Variants in RBFOX3 observed in about 807,000 individuals in gnomAD.
RBFOX3 encodes RNA binding fox-1 homolog 3.
Under a neutral mutation model 48.7 loss-of-function variants are expected in RBFOX3, and 17 were observed. The observed-to-expected ratio is 0.35, with a 90% CI of 0.24 to 0.52. The LOEUF is 0.52. Among genes scored for constraint, RBFOX3 ranks in the 20% least tolerant of loss-of-function variants. RBFOX3 has a pLI of 0.94. For missense variants in RBFOX3, 382 were observed against 497.5 expected, an observed-to-expected ratio of 0.77 and a Z score of 2.21; for synonymous variants, 212 against 209.5, an observed-to-expected ratio of 1.01 and a Z score of -0.10.
intron 4 of RBFOX3, among the ~76,000 whole-genome samples, chr17:79,139,928 C>T (rs748421019): frequency 2.0e-5 from 3 of 152,246 alleles, no homozygotes; most frequent in East Asian, 3.9e-4. Context: ...AAACTGACGC[C>T]GAGAGAAGCC....
At chr17:79,241,948 C>T (rs987556582) in intron 3 of RBFOX3, among the ~76,000 whole-genome samples, 39 of 152,226 alleles carry the variant, frequency 2.6e-4, no homozygotes, top group African/African-American at 9.4e-4. Flanking sequence ...GATATCATCC[C>T]TTAGGGAGTT....
chr17:79,312,230 G>A (rs2076949793), intron 2 of RBFOX3, among the ~76,000 whole-genome samples: 1 of 151,678 alleles, frequency 6.6e-6, no homozygotes, highest in South Asian at 2.1e-4. Context: ...ACAAAGAAGA[G>A]GGCTGGGAAG....
chr17:79,389,913 GAGA>G, intron 2 of RBFOX3, among the ~76,000 whole-genome samples: 1 of 152,370 alleles, frequency 6.6e-6, no homozygotes, highest in Non-Finnish European at 1.5e-5. Flanking sequence ...GGTTTCAGCT[GAGA>G]AGGAGGCCTT....
intron 4 of RBFOX3, among the ~76,000 whole-genome samples, chr17:79,117,315 C>T (rs963549359): frequency 2.0e-5 from 3 of 152,214 alleles, no homozygotes; most frequent in Admixed American, 1.3e-4. Context: ...GGCAGGAGTC[C>T]GCGTCCTTGC....
In RBFOX3 at chr17:79,299,717, C is replaced by A. The variant is rs138313389; in HGVS notation, c.-74+8007G>T. Reference sequence around the variant, plus strand: ...TTAAACTGAGTTAATTAGGGTGAGTCTTAATCCAAAGTGACTGTTCTCCTG... The same window carrying A: ...TTAAACTGAGTTAATTAGGGTGAGTATTAATCCAAAGTGACTGTTCTCCTG... On this transcript the variant is annotated intron_variant, in intron 3 of 14. Transcript: ENST00000693108. The surrounding 1 kb of genome is among the most constrained non-coding windows in gnomAD (Gnocchi z 4.5). Among the ~76,000 whole-genome samples, 267 of 152,262 alleles carry A rather than the reference C, an allele frequency of 1.8e-3. 2 individuals are homozygous for A. Among genetic ancestry groups the A allele is most frequent in the African/African-American group, 5.8e-3 (239 of 41,548 alleles).
At chr17:79,301,978 G>A (rs368712382) in intron 3 of RBFOX3, among the ~76,000 whole-genome samples, 3 of 152,158 alleles carry the variant, frequency 2.0e-5, no homozygotes, top group African/African-American at 7.2e-5. Context: ...AATTGGTGGG[G>A]TATTATTTAA....
At chr17:79,613,483 T>G (rs1467184126), upstream of RBFOX3, among the ~76,000 whole-genome samples, 2 of 152,220 alleles carry the variant, frequency 1.3e-5, no homozygotes, top group African/African-American at 2.4e-5. Flanking sequence ...GGACGTCATC[T>G]AAGAGAATTT....
chr17:79,645,465 C>A, the RBFOX3 span, among the ~76,000 whole-genome samples: 1 of 152,184 alleles, frequency 6.6e-6, no homozygotes, highest in East Asian at 1.9e-4. Flanking sequence ...TCTTCCCCAC[C>A]CTTCAAGATG....
At chr17:79,523,565 C>A (rs1345775104) in intron 1 of RBFOX3, among the ~76,000 whole-genome samples, 1 of 152,124 alleles carries the variant, frequency 6.6e-6, no homozygotes, top group Admixed American at 6.5e-5. Flanking sequence ...ATTTTGAGTT[C>A]TGTTGTCCCT....
rs1568021205 is a variant in RBFOX3, at chr17:79,311,955, G to A, written c.-174-4131C>T. On this transcript the variant is annotated intron_variant, in intron 2 of 14. Coordinates refer to ENST00000693108, the MANE Select transcript of RBFOX3 (RefSeq NM_001350451.2). The surrounding 1 kb of genome is among the most constrained non-coding windows in gnomAD (Gnocchi z 4.2). ...CAGGTGCCAGCTTCAGCTCGGGCCTGAAAATCCCTCCCCGTCAGAGCTGAC... is the reference window on the plus strand; with the variant it reads ...CAGGTGCCAGCTTCAGCTCGGGCCTAAAAATCCCTCCCCGTCAGAGCTGAC... 6.6e-6 allele frequency among the ~76,000 whole-genome samples: 1 copy of A among 152,144 alleles called. No homozygotes were observed. The highest frequency in any genetic ancestry group is 2.4e-5 in the African/African-American group (1 of 41,442).
At chr17:79,657,259 G>A in the RBFOX3 span, among the ~76,000 whole-genome samples, 1 of 152,180 alleles carries the variant, frequency 6.6e-6, no homozygotes, top group Non-Finnish European at 1.5e-5. Flanking sequence ...ACCAGCTAAG[G>A]GGGAGATTGC....
At chr17:79,213,711 C>T (rs751387745) in intron 4 of RBFOX3, among the ~76,000 whole-genome samples, 10 of 152,224 alleles carry the variant, frequency 6.6e-5, no homozygotes, top group Non-Finnish European at 1.3e-4. Flanking sequence ...CCACTCGGCA[C>T]CGCCAACAAA....
intron 1 of RBFOX3, among the ~76,000 whole-genome samples, chr17:79,495,514 A>G (rs2081333573): frequency 2.0e-5 from 1 of 51,248 alleles, no homozygotes; most frequent in Non-Finnish European, 3.7e-5. Context: ...GAGGGTGGGG[A>G]GGTGGGGGAG....
At chr17:79,514,201 G>A (rs1442365983) in intron 1 of RBFOX3, among the ~76,000 whole-genome samples, 1 of 152,154 alleles carries the variant, frequency 6.6e-6, no homozygotes, top group Non-Finnish European at 1.5e-5. Flanking sequence ...CAACACTCCT[G>A]GGATTCTGCT....
intron 2 of RBFOX3, among the ~76,000 whole-genome samples, chr17:79,352,989 G>A (rs1035072330): frequency 3.9e-5 from 6 of 152,234 alleles, no homozygotes; most frequent in Admixed American, 1.3e-4. Context: ...ACACAAAGGC[G>A]CTTGGAGCAT....
At chr17:79,238,076 A>C (rs146762060) in intron 3 of RBFOX3, among the ~76,000 whole-genome samples, 102 of 152,306 alleles carry the variant, frequency 6.7e-4, no homozygotes, top group Non-Finnish European at 1.2e-3. Flanking sequence ...AGCTGGGATT[A>C]CAGGCATGTG....
the RBFOX3 span, among the ~76,000 whole-genome samples, chr17:79,631,263 A>G: frequency 1.3e-5 from 2 of 152,098 alleles, no homozygotes; most frequent in African/African-American, 4.8e-5. Flanking sequence ...TGCCTCGGCC[A>G]TCTCAAGAAA....
In RBFOX3 at chr17:79,479,076, C is replaced by T. The variant is rs1281294661; in HGVS notation, c.-175+3378G>A. Among the ~76,000 whole-genome samples the T allele has an allele frequency of 6.6e-6, 1 of 152,208 alleles. No individual in the cohort carries two copies. Among genetic ancestry groups the T allele is most frequent in the African/African-American group, 2.4e-5 (1 of 41,460 alleles). On this transcript the variant is annotated intron_variant, in intron 2 of 14. Transcript: ENST00000693108. This position sits in a 1 kb window ranked among gnomAD's most constrained non-coding sequence, Gnocchi z 5.1. ...TTCCTGAATCAGAAAGGCCAGCCCG[C>T]CTCACTGGGGCAAAAGCTCCTGCAG...
intron 2 of RBFOX3, among the ~76,000 whole-genome samples, chr17:79,360,159 G>A (rs9902762): frequency 0.24 from 36,878 of 151,852 alleles, 4,606 homozygotes; most frequent in East Asian, 0.34. Flanking sequence ...CTGTGCTCAT[G>A]AAACAAAAAT....
Sources: gnomAD v4.1 joint callset for allele counts (sites outside exome capture counted in the v4.1 genomes callset) on GRCh38, gnomAD v4.1.1 for gene constraint, Gnocchi (gnomAD v3.1) non-coding constraint, MANE v1.5 for transcripts, NCBI Gene and HGNC (gene_info 2026-07-23, HGNC 2026-07-21) for gene names.